Variants in THSD7B observed in about 807,000 individuals in gnomAD.
THSD7B encodes thrombospondin type-1 domain-containing protein 7B.
A neutral mutation model predicts 213.6 loss-of-function variants in THSD7B; 138 were observed. That is an observed-to-expected ratio of 0.65 (90% CI 0.56 to 0.74). The LOEUF is 0.74. Ranked by LOEUF, THSD7B falls within the 30% of genes least tolerant of loss-of-function variation. THSD7B has a pLI of 0.00. For synonymous variants in THSD7B, 742 were observed against 687.0 expected (o/e 1.08, Z -1.25); for missense variants, 1,931 against 1,991.5 (o/e 0.97, Z 0.58).
chr2:137,038,189 T>C (rs1686812086), intron 2 of THSD7B, among the ~76,000 whole-genome samples: 1 of 152,224 alleles, frequency 6.6e-6, no homozygotes, highest in South Asian at 2.1e-4. Flanking sequence ...ATGTTCCTTT[T>C]ACAAGAATGT....
At chr2:137,075,701 T>C (rs1169056803) in intron 3 of THSD7B, among the ~76,000 whole-genome samples, 11 of 152,170 alleles carry the variant, frequency 7.2e-5, no homozygotes, top group Admixed American at 7.2e-4. Context: ...TCTGTGTTTT[T>C]CCCATCTTTG....
chr2:137,289,429 A>G (rs1282301106), intron 12 of THSD7B, among the ~76,000 whole-genome samples: 1 of 152,094 alleles, frequency 6.6e-6, no homozygotes, highest in Non-Finnish European at 1.5e-5. Flanking sequence ...ACTGTTTATC[A>G]TGAAATACCA....
At chr2:137,575,725 C>CACACATATATATATATATATAT (rs59620213) in intron 17 of THSD7B, among the ~76,000 whole-genome samples, 65 of 110,846 alleles carry the variant, frequency 5.9e-4, no homozygotes, top group African/African-American at 1.1e-3. Context: ...CCATAACACA[C>CACACATATATATATATATATAT]ATATATATAT....
At position 137,118,933 on chromosome 2, in the gene THSD7B, C is replaced by T. The variant is rs77917308; in HGVS notation, c.1369+3640C>T. Among the ~76,000 whole-genome samples the T allele has an allele frequency of 4.2e-3, 641 of 152,214 alleles. 3 individuals are homozygous for T. Among genetic ancestry groups the T allele is most frequent in the African/African-American group, 0.015 (615 of 41,522 alleles). ...AATGAGAGCCAAGCAAAAGGAGTGT[C>T]CCCTTATAAAACCATCAGATCTCAT... On this transcript the variant is annotated intron_variant, in intron 5 of 27. Transcript: ENST00000409968.
intron 12 of THSD7B, among the ~76,000 whole-genome samples, chr2:137,305,420 G>A (rs1396844495): frequency 1.3e-5 from 2 of 152,074 alleles, no homozygotes; most frequent in East Asian, 1.9e-4. Flanking sequence ...AAGTAGGCTG[G>A]AACTCACAGC....
intron 1 of THSD7B, among the ~76,000 whole-genome samples, chr2:136,855,274 C>G (rs1023238019): frequency 2.6e-5 from 4 of 152,078 alleles, no homozygotes; most frequent in Non-Finnish European, 4.4e-5. Context: ...TTCCAGTATA[C>G]ATCAGATCAT....
chr2:136,777,043 AC>A (rs767785726), intron 1 of THSD7B, among the ~76,000 whole-genome samples: 2 of 152,182 alleles, frequency 1.3e-5, no homozygotes, highest in African/African-American at 2.4e-5. Flanking sequence ...ATTTGTTCAA[AC>A]CAACAAATGA....
intron 3 of THSD7B, among the ~76,000 whole-genome samples, chr2:137,066,877 T>C (rs1687393129): frequency 6.6e-6 from 1 of 152,114 alleles, no homozygotes; most frequent in Non-Finnish European, 1.5e-5. Flanking sequence ...GATAGTCTTT[T>C]AAGTCTTTTT....
At chr2:137,236,573 C>G (rs141606229) in intron 9 of THSD7B, among the ~76,000 whole-genome samples, 2 of 152,108 alleles carry the variant, frequency 1.3e-5, no homozygotes, top group African/African-American at 4.8e-5. Context: ...TAACTCAAAG[C>G]CTTTCAAAGT....
chr2:137,672,362 T>C (rs995572107), intron 27 of THSD7B, among the ~76,000 whole-genome samples: 2 of 152,186 alleles, frequency 1.3e-5, no homozygotes, highest in Non-Finnish European at 2.9e-5. Flanking sequence ...AGTTTGCCTA[T>C]CCCTAGAGTT....
At chr2:136,892,045 C>G (rs531215389) in intron 2 of THSD7B, among the ~76,000 whole-genome samples, 2 of 152,266 alleles carry the variant, frequency 1.3e-5, no homozygotes, top group South Asian at 2.1e-4. Context: ...ATCCCTTTCT[C>G]TCTGTGTGGT....
chr2:136,828,418 G>A (rs557274593), intron 1 of THSD7B, among the ~76,000 whole-genome samples: 2 of 152,238 alleles, frequency 1.3e-5, no homozygotes, highest in African/African-American at 4.8e-5. Flanking sequence ...AGTCAAACAT[G>A]TCATCATTTC....
At chr2:137,436,186 TAC>T (rs989999812) in intron 14 of THSD7B, among the ~76,000 whole-genome samples, 1 of 152,086 alleles carries the variant, frequency 6.6e-6, no homozygotes, top group African/African-American at 2.4e-5. Context: ...TGTTTTAATT[TAC>T]AGTTATGATA....
intron 27 of THSD7B, among the ~76,000 whole-genome samples, chr2:137,669,957 C>T (rs1170797616): frequency 6.6e-6 from 1 of 152,112 alleles, no homozygotes; most frequent in Non-Finnish European, 1.5e-5. Context: ...TCATTGAATT[C>T]TGTTAACAAA....
chr2:136,908,779 G>A (rs1174166003), intron 2 of THSD7B, among the ~76,000 whole-genome samples: 3 of 152,174 alleles, frequency 2.0e-5, no homozygotes, highest in African/African-American at 7.2e-5. Flanking sequence ...GAGGAAGTAA[G>A]GCATTTTGAG....
chr2:137,165,595 A>G (rs754385706), intron 6 of THSD7B, among the ~76,000 whole-genome samples: 12 of 152,118 alleles, frequency 7.9e-5, no homozygotes, highest in Non-Finnish European at 1.8e-4. Context: ...TCAGAATTCT[A>G]CAGAAGCTGG....
intron 10 of THSD7B, among the ~76,000 whole-genome samples, chr2:137,258,519 C>G (rs1214132821): frequency 6.6e-6 from 1 of 152,038 alleles, no homozygotes; most frequent in Non-Finnish European, 1.5e-5. Context: ...CCCCTACCTC[C>G]TTCAAGTTCT....
chr2:136,944,689 A>C (rs796863768), intron 2 of THSD7B, among the ~76,000 whole-genome samples: 15 of 146,614 alleles, frequency 1.0e-4, no homozygotes, highest in South Asian at 2.2e-4. Context: ...CTGTTTTATC[A>C]TAAACTAGGA....
At chr2:136,822,193 C>T (rs536791384) in intron 1 of THSD7B, among the ~76,000 whole-genome samples, 1 of 152,162 alleles carries the variant, frequency 6.6e-6, no homozygotes, top group Non-Finnish European at 1.5e-5. Context: ...CTTTTGGTCT[C>T]TTGGTGAATT....
Sources: gnomAD v4.1 joint callset for allele counts (sites outside exome capture counted in the v4.1 genomes callset) on GRCh38, gnomAD v4.1.1 for gene constraint, MANE v1.5 for transcripts, NCBI Gene and HGNC (gene_info 2026-07-23, HGNC 2026-07-21) for gene names.